Variants in OR5AC2 observed in about 807,000 individuals in gnomAD.
The protein encoded by OR5AC2 is olfactory receptor 5AC2.
For missense variants in OR5AC2, 448 were observed against 375.3 expected, an observed-to-expected ratio of 1.19 and a Z score of -1.60; for synonymous variants, 172 against 136.3, an observed-to-expected ratio of 1.26 and a Z score of -1.82.
In OR5AC2 at chr3:98,087,753, C is replaced by T. The variant is rs775699246; in HGVS notation, c.581C>T (p.Pro194Leu). The change falls in exon 1 of 1, where the codon CCA (proline) becomes CTA (leucine). Residue 194 changes from proline (P) to leucine (L), a missense_variant. Coordinates refer to ENST00000358642, the MANE Select transcript of OR5AC2 (RefSeq NM_054106.1). ...LQLFKISCNG[P>L]SINALMIFIF... is the part of the protein sequence containing the mutation. ...CTGTTCAAAATTTCATGCAATGGTC[C>T]ATCTATTAACGCACTAATGATATTT... The T allele has an allele frequency of 1.2e-6, 2 of 1,608,954 alleles. No homozygotes were observed. Among genetic ancestry groups the T allele is most frequent in the South Asian group, 1.1e-5 (1 of 90,956 alleles).
chr3:98,087,225 G>C lies in OR5AC2; in HGVS notation c.53G>C (p.Gly18Ala), dbSNP rs1707769623. 1 of 1,613,936 alleles carries C rather than the reference G, an allele frequency of 6.2e-7. No individual in the cohort carries two copies. The highest frequency in any genetic ancestry group is 8.5e-7 in the Non-Finnish European group (1 of 1,179,922). The change falls in exon 1 of 1, where the codon GGA becomes GCA. Residue 18 changes from glycine (G) to alanine (A), a missense_variant. Transcript: ENST00000358642. The part of the protein sequence containing the change: ...KTLVTEFVLT[G>A]LTDRPWLHVL... ...CTTGTGACAGAGTTTGTTCTCACAG[G>C]ACTTACAGATCGACCATGGCTGCAC...
At position 98,087,430 on chromosome 3, in the gene OR5AC2, T is replaced by C. The variant is rs765667480; in HGVS notation, c.258T>C (p.Asn86=). 6.2e-7 allele frequency: 1 copy of C among 1,614,136 alleles called. No individual in the cohort carries two copies. Among genetic ancestry groups the C allele is most frequent in the Admixed American group, 1.7e-5 (1 of 60,028 alleles). ...STSITPRMLV[N]FLDKTAMISL... The stretch of plus-strand genomic sequence containing the variant: ...CTATAACCCCTAGGATGCTGGTCAA[T>C]TTCTTAGACAAGACTGCAATGATAT... Residue 86 remains asparagine, a synonymous_variant, in exon 1 of 1, where the codon AAT becomes AAC. Coordinates refer to ENST00000358642, the MANE Select transcript of OR5AC2 (RefSeq NM_054106.1).
Position 98,087,277 on chromosome 3 carries a change from G to A in OR5AC2, c.105G>A (p.Val35=), listed in dbSNP as rs755346135. ...TCCTCTTCTTTGTTGTGTTTTTGGTGGTCTATCTCATCACCATGGTGGGCA... is the reference window on the plus strand; with the variant it reads ...TCCTCTTCTTTGTTGTGTTTTTGGTAGTCTATCTCATCACCATGGTGGGCA... ...LHVLFFVVFL[V]VYLITMVGNL... The change falls in exon 1 of 1, where the codon GTG becomes GTA. Residue 35 remains valine (V), a synonymous_variant. Transcript: ENST00000358642. 2 of 1,613,912 alleles carry A rather than the reference G, an allele frequency of 1.2e-6. No individual in the cohort carries two copies. Among genetic ancestry groups the A allele is most frequent in the African/African-American group, 2.7e-5 (2 of 74,892 alleles).
In OR5AC2 at chr3:98,087,358, C is replaced by G. The variant is rs755501386; in HGVS notation, c.186C>G (p.Tyr62Ter). 1.2e-6 allele frequency: 2 copies of G among 1,614,178 alleles called. No homozygotes were observed. The highest frequency in any genetic ancestry group is 2.2e-5 in the East Asian group (1 of 44,882). ...ACCCCCATCTTCATATGCCCATGTA[C>G]TTATTCCTTGGTGGTTTAGCCTTTT... Reference protein sequence around the residue: ...WNDPHLHMPMYLFLGGLAFSD... With the variant: ...WNDPHLHMPM The change falls in exon 1 of 1, where the codon TAC (tyrosine) becomes TAG (stop). Residue 62 changes from tyrosine (Y) to a stop codon, truncating the protein, a stop_gained. Coordinates refer to ENST00000358642, the MANE Select transcript of OR5AC2 (RefSeq NM_054106.1). LOFTEE classifies it low-confidence loss of function (END_TRUNC).
Position 98,087,442 on chromosome 3 carries a change from G to A in OR5AC2, c.270G>A (p.Lys90=). Residue 90 remains lysine, a synonymous_variant, in exon 1 of 1, where the codon AAG becomes AAA. Transcript: ENST00000358642. ...TPRMLVNFLD[K]TAMISLAECI... Reference sequence around the variant, plus strand: ...GGATGCTGGTCAATTTCTTAGACAAGACTGCAATGATATCCCTAGCTGAGT... The same window carrying A: ...GGATGCTGGTCAATTTCTTAGACAAAACTGCAATGATATCCCTAGCTGAGT... 6.2e-7 allele frequency: 1 copy of A among 1,613,972 alleles called. No individual in the cohort carries two copies. The highest frequency in any genetic ancestry group is 8.5e-7 in the Non-Finnish European group (1 of 1,180,020).
Position 98,087,215 on chromosome 3 carries a change from G to C in OR5AC2, c.43G>C (p.Val15Leu), listed in dbSNP as rs762771160. Residue 15 changes from valine to leucine, a missense_variant, in exon 1 of 1, where the codon GTT becomes CTT. Physicochemically the swap from Val to Leu is conservative, Grantham distance 32. Coordinates refer to ENST00000358642, the MANE Select transcript of OR5AC2 (RefSeq NM_054106.1). ...EGNKTLVTEF[V>L]LTGLTDRPWL... ...AAATAAGACTCTTGTGACAGAGTTT[G>C]TTCTCACAGGACTTACAGATCGACC... is the stretch of plus-strand genomic sequence containing the variant. 3.7e-6 allele frequency: 6 copies of C among 1,613,282 alleles called. No individual in the cohort carries two copies. In the African/African-American group the frequency reaches 6.7e-5, roughly 18 times the overall value.
Position 98,087,874 on chromosome 3 carries a change from G to A in OR5AC2, c.702G>A (p.Lys234=), listed in dbSNP as rs898745677. 4 of 1,613,162 alleles carry A rather than the reference G, an allele frequency of 2.5e-6. No individual in the cohort carries two copies. The East Asian group carries it at 6.7e-5, about 27-fold the overall frequency. ...ATATTCTGAAAAAAAAGTCTGAAAAGGGCAGAAGCAAAGCCTTCTCCACAT... is the reference window on the plus strand; with the variant it reads ...ATATTCTGAAAAAAAAGTCTGAAAAAGGCAGAAGCAAAGCCTTCTCCACAT... ...LFDILKKKSE[K]GRSKAFSTCG... The change falls in exon 1 of 1, where the codon AAG becomes AAA. Residue 234 remains lysine, a synonymous_variant. Transcript: ENST00000358642.
Position 98,087,185 on chromosome 3 carries a change from G to C in OR5AC2, c.13G>C (p.Glu5Gln). MDISEGNKTLVTEFV... is the reference protein window; with the variant it reads MDISQGNKTLVTEFV... ...TACAGTGACGAGTATGGATATATCA[G>C]AGGGAAATAAGACTCTTGTGACAGA... is the stretch of plus-strand genomic sequence containing the variant. Residue 5 changes from glutamate to glutamine, a missense_variant, in exon 1 of 1, where the codon GAG becomes CAG. Transcript: ENST00000358642. The C allele has an allele frequency of 6.2e-7, 1 of 1,606,790 alleles. No individual in the cohort carries two copies. Among genetic ancestry groups the C allele is most frequent in the East Asian group, 2.2e-5 (1 of 44,840 alleles).
rs80220955 is a variant in OR5AC2, at chr3:98,088,100, T to C, written c.928T>C (p.Ter310GlnextTer?). ...MHALRRVIRK[*>Q] is the part of the protein sequence containing the mutation. ...TGCATTGAGAAGAGTTATAAGGAAGTAAACAGTTCCAAAGGGAAATGTCAA... is the reference window on the plus strand; with the variant it reads ...TGCATTGAGAAGAGTTATAAGGAAGCAAACAGTTCCAAAGGGAAATGTCAA... The change falls in exon 1 of 1, where the codon TAA (stop) becomes CAA (glutamine). Residue 310 changes from the stop codon to glutamine, a stop_lost. Transcript: ENST00000358642. The C allele has an allele frequency of 0.21, 332,952 of 1,566,452 alleles. 37,943 individuals carry two copies. The highest frequency in any genetic ancestry group is 0.23 in the Non-Finnish European group (269,814 of 1,148,476).
rs748142993 is a variant in OR5AC2 at position 98,087,470 on chromosome 3, A to G, written c.298A>G (p.Ile100Val). Reference protein sequence around the residue: ...KTAMISLAECITQFYFFASSA... With the variant: ...KTAMISLAECVTQFYFFASSA... ...TGCAATGATATCCCTAGCTGAGTGC[A>G]TCACCCAGTTTTACTTTTTTGCTTC... The change falls in exon 1 of 1, where the codon ATC (isoleucine) becomes GTC (valine). Residue 100 changes from isoleucine to valine, a missense_variant. Coordinates refer to ENST00000358642, the MANE Select transcript of OR5AC2 (RefSeq NM_054106.1). 3 of 1,614,186 alleles carry G rather than the reference A, an allele frequency of 1.9e-6. No homozygotes were observed. The highest frequency in any genetic ancestry group is 2.5e-6 in the Non-Finnish European group (3 of 1,180,022).
chr3:98,087,683 T>A lies in OR5AC2; in HGVS notation c.511T>A (p.Cys171Ser). 1 of 1,613,088 alleles carries A rather than the reference T, an allele frequency of 6.2e-7. No individual in the cohort carries two copies. The highest frequency in any genetic ancestry group is 8.5e-7 in the Non-Finnish European group (1 of 1,179,960). ...GAGTTTACTATTGCGACTAACTTTC[T>A]GCAGGTTTAACATAATACATTATTT... ...HVSLLLRLTF[C>S]RFNIIHYFYC... The change falls in exon 1 of 1, where the codon TGC (cysteine) becomes AGC (serine). Residue 171 changes from cysteine (C) to serine (S), a missense_variant. Cys to Ser is a moderately radical substitution (Grantham distance 112, BLOSUM62 -1). Transcript: ENST00000358642.
At position 98,087,626 on chromosome 3, in the gene OR5AC2, G is replaced by A; in HGVS notation, c.454G>A (p.Val152Ile). 1 of 1,613,818 alleles carries A rather than the reference G, an allele frequency of 6.2e-7. No homozygotes were observed. The highest frequency in any genetic ancestry group is 8.5e-7 in the Non-Finnish European group (1 of 1,179,960). The change falls in exon 1 of 1, where the codon GTA becomes ATA. Residue 152 changes from valine (V) to isoleucine (I), a missense_variant. Physicochemically the swap from Val to Ile is conservative, Grantham distance 29 (BLOSUM62 3). Transcript: ENST00000358642. ...LSAQLLSISY[V>I]IGFLHPLVHV... ...CGCTCAGTTGCTAAGTATTTCATAT[G>A]TAATTGGTTTCCTGCATCCTCTGGT...
Position 98,087,923 on chromosome 3 carries a change from T to A in OR5AC2, c.751T>A (p.Ser251Thr). Reference sequence around the variant, plus strand: ...ATGCGGCGCCCATCTGCTTTCTGTCTCATTGTACTACGGAACTCTGATCTT... The same window carrying A: ...ATGCGGCGCCCATCTGCTTTCTGTCACATTGTACTACGGAACTCTGATCTT... ...STCGAHLLSVSLYYGTLIFMY... is the reference protein window; with the variant it reads ...STCGAHLLSVTLYYGTLIFMY... The change falls in exon 1 of 1, where the codon TCA becomes ACA. Residue 251 changes from serine to threonine, a missense_variant. By Grantham distance (58) the Ser-to-Thr change is moderately conservative (BLOSUM62 1). Transcript: ENST00000358642. 5 of 1,614,096 alleles carry A rather than the reference T, an allele frequency of 3.1e-6. No individual in the cohort carries two copies. The highest frequency in any genetic ancestry group is 4.2e-6 in the Non-Finnish European group (5 of 1,179,992).
Position 98,087,191 on chromosome 3 carries a change from A to G in OR5AC2, c.19A>G (p.Asn7Asp). 1 of 1,609,624 alleles carries G rather than the reference A, an allele frequency of 6.2e-7. No individual in the cohort carries two copies. Among genetic ancestry groups the G allele is most frequent in the Non-Finnish European group, 8.5e-7 (1 of 1,177,442 alleles). The change falls in exon 1 of 1, where the codon AAT (asparagine) becomes GAT (aspartate). Residue 7 changes from asparagine to aspartate, a missense_variant. Asn to Asp is a conservative substitution (Grantham distance 23). Coordinates refer to ENST00000358642, the MANE Select transcript of OR5AC2 (RefSeq NM_054106.1). The part of the protein sequence containing the change: MDISEG[N>D]KTLVTEFVLT... Reference sequence around the variant, plus strand: ...GACGAGTATGGATATATCAGAGGGAAATAAGACTCTTGTGACAGAGTTTGT... The same window carrying G: ...GACGAGTATGGATATATCAGAGGGAGATAAGACTCTTGTGACAGAGTTTGT...
In OR5AC2 at chr3:98,087,486, T is replaced by G; in HGVS notation, c.314T>G (p.Phe105Cys). 6.2e-7 allele frequency: 1 copy of G among 1,614,196 alleles called. No individual in the cohort carries two copies. Among genetic ancestry groups the G allele is most frequent in the Non-Finnish European group, 8.5e-7 (1 of 1,180,038 alleles). ...GCTGAGTGCATCACCCAGTTTTACTTTTTTGCTTCCAGTGCAACTACAGAA... is the reference window on the plus strand; with the variant it reads ...GCTGAGTGCATCACCCAGTTTTACTGTTTTGCTTCCAGTGCAACTACAGAA... ...SLAECITQFY[F>C]FASSATTECF... Residue 105 changes from phenylalanine (F) to cysteine (C), a missense_variant, in exon 1 of 1, where the codon TTT becomes TGT. Coordinates refer to ENST00000358642, the MANE Select transcript of OR5AC2 (RefSeq NM_054106.1).
In OR5AC2 at chr3:98,087,864, A is replaced by C; in HGVS notation, c.692A>C (p.Lys231Thr). The C allele has an allele frequency of 1.2e-6, 2 of 1,612,998 alleles. No individual in the cohort carries two copies. Among genetic ancestry groups the C allele is most frequent in the East Asian group, 4.5e-5 (2 of 44,856 alleles). ...TRVLFDILKK[K>T]SEKGRSKAFS... Reference sequence around the variant, plus strand: ...GTGCTCTTTGATATTCTGAAAAAAAAGTCTGAAAAGGGCAGAAGCAAAGCC... The same window carrying C: ...GTGCTCTTTGATATTCTGAAAAAAACGTCTGAAAAGGGCAGAAGCAAAGCC... Residue 231 changes from lysine (K) to threonine (T), a missense_variant, in exon 1 of 1, where the codon AAG becomes ACG. Transcript: ENST00000358642.
Position 98,087,968 on chromosome 3 carries a change from T to A in OR5AC2, c.796T>A (p.Ser266Thr). 1 of 1,614,190 alleles carries A rather than the reference T, an allele frequency of 6.2e-7. No homozygotes were observed. The highest frequency in any genetic ancestry group is 8.5e-7 in the Non-Finnish European group (1 of 1,180,030). The change falls in exon 1 of 1, where the codon TCT becomes ACT. Residue 266 changes from serine to threonine, a missense_variant. Transcript: ENST00000358642. The stretch of plus-strand genomic sequence containing the variant: ...GATCTTCATGTATGTGCGTCCTGCA[T>A]CTGGCTTAGCTGAAGACCAAGACAA... Reference protein sequence around the residue: ...TLIFMYVRPASGLAEDQDKVY... With the variant: ...TLIFMYVRPATGLAEDQDKVY...
In OR5AC2 at chr3:98,087,801, TA is replaced by T. The variant is rs777753380; in HGVS notation, c.630del (p.Thr212LeufsTer2). On this transcript the variant is annotated frameshift_variant, in exon 1 of 1. Transcript: ENST00000358642. LOFTEE classifies it low-confidence loss of function (END_TRUNC). ...TTTATTTTTGGTGCTTTTATACAAA[TA>T]CCCACTTTAATGACTATCATAATCT... ...MIFIFGAFIQ[I>X]PTLMTIIISY... The T allele has an allele frequency of 1.2e-5, 20 of 1,608,126 alleles. No individual in the cohort carries two copies. In the Admixed American group the frequency reaches 3.4e-4, roughly 27 times the overall value.
rs761888377 is a variant in OR5AC2, at chr3:98,087,892, C to T, written c.720C>T (p.Phe240=). Residue 240 remains phenylalanine, a synonymous_variant, in exon 1 of 1, where the codon TTC becomes TTT. Transcript: ENST00000358642. The stretch of plus-strand genomic sequence containing the variant: ...CTGAAAAGGGCAGAAGCAAAGCCTT[C>T]TCCACATGCGGCGCCCATCTGCTTT... ...KKSEKGRSKA[F]STCGAHLLSV... The T allele has an allele frequency of 1.2e-6, 2 of 1,613,836 alleles. No homozygotes were observed. The highest frequency in any genetic ancestry group is 1.3e-5 in the African/African-American group (1 of 75,028).
Sources: allele counts gnomAD v4.1 joint callset, GRCh38; gene constraint gnomAD v4.1.1; transcripts MANE v1.5; gene names NCBI Gene and HGNC (gene_info 2026-07-23, HGNC 2026-07-21).